Variants in ALPK1 observed in about 807,000 individuals in gnomAD.
The protein encoded by ALPK1 is alpha-protein kinase 1.
Under a neutral mutation model 120.6 loss-of-function variants are expected in ALPK1, and 110 were observed. The observed-to-expected ratio is 0.91, with a 90% CI of 0.78 to 1.07. ALPK1 has a LOEUF of 1.07. Ranked by LOEUF, ALPK1 falls within the 50% of genes least tolerant of loss-of-function variation. The probability of loss-of-function intolerance (pLI) is 0.00; values close to 1 mark genes in which losing one functional copy is unlikely to be tolerated. For missense variants in ALPK1, 1,498 were observed against 1,483.9 expected (o/e 1.01, Z -0.16); for synonymous variants, 582 against 560.3 (o/e 1.04, Z -0.55).
At chr4:112,426,740 G>A (rs772571523) in intron 8 of ALPK1, among the ~76,000 whole-genome samples, 197 bp downstream of exon 8, 1 of 152,086 alleles carries the variant, frequency 6.6e-6, no homozygotes, top group Non-Finnish European at 1.5e-5. Flanking sequence ...TAGACTCTTG[G>A]TGCATAGATG....
intron 2 of ALPK1, among the ~76,000 whole-genome samples, chr4:112,348,402 C>T (rs1258765231): frequency 3.3e-5 from 5 of 152,200 alleles, no homozygotes; most frequent in Non-Finnish European, 5.9e-5. Context: ...GGCGCGGTGT[C>T]GAGAGGTAAG....
At chr4:112,437,913 G>A (rs959587480) in intron 12 of ALPK1, among the ~76,000 whole-genome samples, 8 of 152,244 alleles carry the variant, frequency 5.3e-5, no homozygotes, top group African/African-American at 1.2e-4. Context: ...GCTTCTTTCC[G>A]CATGTAATCA....
chr4:112,307,627 G>C (rs1728158224), intron 1 of ALPK1, among the ~76,000 whole-genome samples: 1 of 151,788 alleles, frequency 6.6e-6, no homozygotes, highest in Admixed American at 6.6e-5. Flanking sequence ...CCTTTATTTT[G>C]AGCCTATGTG....
intron 1 of ALPK1, among the ~76,000 whole-genome samples, chr4:112,306,510 C>A (rs1269685331): frequency 6.6e-6 from 1 of 151,300 alleles, no homozygotes; most frequent in African/African-American, 2.4e-5. Context: ...TTATCCATTT[C>A]TTCTAGATTT....
chr4:112,357,672 AG>A lies in ALPK1; in HGVS notation c.-100-20004del, dbSNP rs1333304046. 18 of 1,602,970 alleles carry A rather than the reference AG, an allele frequency of 1.1e-5. No individual in the cohort carries two copies. In the African/African-American group the frequency reaches 2.4e-4, roughly 21 times the overall value. ...AGATCTGGGTGGGGATCATCCCCAGAGGCCCCGACGGAGCCCAGTTGAGCTC... is the reference window on the plus strand; with the variant it reads ...AGATCTGGGTGGGGATCATCCCCAGAGCCCCGACGGAGCCCAGTTGAGCTC... On this transcript the variant is annotated intron_variant, in intron 2 of 15. Transcript: ENST00000650871.
chr4:112,356,027 C>T, intron 2 of ALPK1: 2 of 707,772 alleles, frequency 2.8e-6, no homozygotes, highest in Non-Finnish European at 5.2e-6. Flanking sequence ...GCTCGCATCA[C>T]TTACCAAGAG....
At chr4:112,352,385 G>C (rs1730402281) in intron 2 of ALPK1, among the ~76,000 whole-genome samples, 1 of 151,998 alleles carries the variant, frequency 6.6e-6, no homozygotes. Context: ...ACTTTTCTTT[G>C]TAATTTTACT....
At chr4:112,338,426 C>T (rs550866996) in intron 2 of ALPK1, among the ~76,000 whole-genome samples, 1 of 151,828 alleles carries the variant, frequency 6.6e-6, no homozygotes, top group Non-Finnish European at 1.5e-5. Flanking sequence ...TGATACTAAA[C>T]AGACAATCAG....
intron 2 of ALPK1, among the ~76,000 whole-genome samples, chr4:112,330,028 C>T (rs1172850871): frequency 6.6e-6 from 1 of 152,128 alleles, no homozygotes; most frequent in Admixed American, 6.5e-5. Flanking sequence ...TACCAAAATC[C>T]AATGTAAGCA....
chr4:112,322,019 T>C (rs984781771), intron 2 of ALPK1, among the ~76,000 whole-genome samples: 2 of 152,186 alleles, frequency 1.3e-5, no homozygotes, highest in African/African-American at 4.8e-5. Flanking sequence ...CCAACTTTAC[T>C]GTCAGAAATT....
At chr4:112,390,956 C>G (rs1732388071) in intron 4 of ALPK1, among the ~76,000 whole-genome samples, 1 of 152,054 alleles carries the variant, frequency 6.6e-6, no homozygotes, top group Non-Finnish European at 1.5e-5. Flanking sequence ...AAACGTTAGG[C>G]TTGAGAGAAG....
intron 5 of ALPK1, among the ~76,000 whole-genome samples, chr4:112,415,937 G>C (rs1202498175): frequency 2.6e-5 from 4 of 152,142 alleles, no homozygotes; most frequent in Non-Finnish European, 5.9e-5. Context: ...ATACAAAAAT[G>C]CAAGCTTAAT....
At position 112,358,050 on chromosome 4, in the gene ALPK1, C is replaced by T. The variant is rs912685526; in HGVS notation, c.-100-19628C>T. 8.4e-6 allele frequency: 5 copies of T among 592,250 alleles called. No individual in the cohort carries two copies. In the East Asian group the frequency reaches 1.2e-4, roughly 14 times the overall value. The allele number at this position is 592,250 out of a possible 1,614,324, so 36.7% of individuals were successfully genotyped here. Reference sequence around the variant, plus strand: ...ACTAATGGCAGTAGTGTGATCATCACGGGCCTCCATAGCCCCCACGCATGG... The same window carrying T: ...ACTAATGGCAGTAGTGTGATCATCATGGGCCTCCATAGCCCCCACGCATGG... On this transcript the variant is annotated intron_variant, in intron 2 of 15. Coordinates refer to ENST00000650871, the MANE Select transcript of ALPK1 (RefSeq NM_025144.4).
chr4:112,429,600 A>G (rs1734434830), intron 10 of ALPK1, among the ~76,000 whole-genome samples: 1 of 152,140 alleles, frequency 6.6e-6, no homozygotes. Flanking sequence ...TTGGGAGGCC[A>G]AGGTAGGAGG....
chr4:112,395,418 A>G (rs1732606477), intron 4 of ALPK1, among the ~76,000 whole-genome samples: 1 of 152,242 alleles, frequency 6.6e-6, no homozygotes, highest in African/African-American at 2.4e-5. Context: ...TTTGTACAGC[A>G]CAAAAGAAGT....
chr4:112,436,497 A>G (rs1185838997), intron 12 of ALPK1, among the ~76,000 whole-genome samples: 9 of 152,210 alleles, frequency 5.9e-5, no homozygotes. Flanking sequence ...TGGTGAAGTT[A>G]AGATGAAGTC....
chr4:112,441,385 C>T lies in ALPK1; in HGVS notation c.*175C>T. ...CAGTTATCAAGAATGGGTCAGGAGA[C>T]CGCTGCTTCTGGGCATAAGTCCTGC... On this transcript the variant is annotated 3_prime_UTR_variant, in exon 16 of 16. Coordinates refer to ENST00000650871, the MANE Select transcript of ALPK1 (RefSeq NM_025144.4). 1 of 684,068 alleles carries T rather than the reference C, an allele frequency of 1.5e-6. No individual in the cohort carries two copies. Among genetic ancestry groups the T allele is most frequent in the African/African-American group, 1.8e-5 (1 of 56,408 alleles). 42.4% of individuals were successfully genotyped at this position (684,068 alleles called of 1,614,324 possible).
chr4:112,383,717 A>G (rs1732025004), intron 4 of ALPK1: 1 of 152,248 alleles, frequency 6.6e-6, no homozygotes. Context: ...TGCTTGTAAC[A>G]CTTTACAGAG....
intron 3 of ALPK1, among the ~76,000 whole-genome samples, chr4:112,379,193 T>C (rs1177210727): frequency 6.6e-6 from 1 of 152,272 alleles, no homozygotes; most frequent in African/African-American, 2.4e-5. Flanking sequence ...TGATGAAGAC[T>C]CTGAGCTCCC....
Sources: allele counts gnomAD v4.1 joint callset (sites outside exome capture counted in the v4.1 genomes callset), GRCh38; gene constraint gnomAD v4.1.1; transcripts MANE v1.5; gene names NCBI Gene and HGNC (gene_info 2026-07-23, HGNC 2026-07-21).